The following TTLL11 variants were observed in gnomAD, a reference collection of about 807,000 sequenced individuals.
TTLL11 encodes tubulin polyglutamylase TTLL11.
Under a neutral mutation model 51.7 loss-of-function variants are expected in TTLL11, and 42 were observed. The ratio of observed to expected loss-of-function variants is 0.81; its 90% CI spans 0.64 to 1.05. The LOEUF (loss-of-function observed/expected upper bound fraction) is 1.05, where lower values mean the gene tolerates loss of function less well. Ranked by LOEUF, TTLL11 falls within the 50% of genes least tolerant of loss-of-function variation. The pLI, the probability that TTLL11 is intolerant of heterozygous loss-of-function variation, is 0.00. For synonymous variants in TTLL11, 381 were observed against 383.5 expected (o/e 0.99, Z 0.08); for missense variants, 799 against 940.4 (o/e 0.85, Z 1.97).
intron 7 of TTLL11, among the ~76,000 whole-genome samples, chr9:121,862,335 T>G (rs1838037575): frequency 6.6e-6 from 1 of 152,174 alleles, no homozygotes; most frequent in African/African-American, 2.4e-5. Flanking sequence ...GTGCTTTTAT[T>G]TCTTGGGCTC....
chr9:122,018,874 G>A (rs921703925), intron 3 of TTLL11, among the ~76,000 whole-genome samples: 1 of 152,230 alleles, frequency 6.6e-6, no homozygotes, highest in Non-Finnish European at 1.5e-5. Context: ...GACCAGAGCA[G>A]TCACCTAACT....
intron 6 of TTLL11, among the ~76,000 whole-genome samples, chr9:121,946,981 C>T (rs544913219): frequency 6.6e-6 from 1 of 152,254 alleles, no homozygotes; most frequent in Non-Finnish European, 1.5e-5. Flanking sequence ...TCCTCACTAT[C>T]CCTCATGGTG....
chr9:122,082,293 C>A (rs1207574222), intron 1 of TTLL11, among the ~76,000 whole-genome samples: 1 of 152,092 alleles, frequency 6.6e-6, no homozygotes, highest in Non-Finnish European at 1.5e-5. Flanking sequence ...CACTTGAGGT[C>A]AGGAGTTCAA....
intron 8 of TTLL11, among the ~76,000 whole-genome samples, chr9:121,856,990 A>G (rs911949859): frequency 2.0e-5 from 3 of 152,238 alleles, no homozygotes. Flanking sequence ...CTCCTTGAGA[A>G]TCAGGGGCTT....
intron 4 of TTLL11, among the ~76,000 whole-genome samples, chr9:121,980,602 G>A (rs1842805759): frequency 6.6e-6 from 1 of 152,192 alleles, no homozygotes; most frequent in Non-Finnish European, 1.5e-5. Flanking sequence ...GATTCCTCCT[G>A]TCCACCAGTA....
At chr9:122,031,393 C>T (rs557555627) in intron 3 of TTLL11, among the ~76,000 whole-genome samples, 3 of 152,322 alleles carry the variant, frequency 2.0e-5, no homozygotes, top group East Asian at 1.9e-4. Flanking sequence ...ATTCCCCCAG[C>T]GGCCCCATCC....
intron 6 of TTLL11, among the ~76,000 whole-genome samples, chr9:121,875,146 T>C (rs922469867): frequency 3.3e-5 from 5 of 152,202 alleles, no homozygotes; most frequent in African/African-American, 1.2e-4. Flanking sequence ...TGTGTAACTG[T>C]CACCAGTATC....
At chr9:122,005,157 C>T (rs1346033786) in intron 3 of TTLL11, among the ~76,000 whole-genome samples, 1 of 152,170 alleles carries the variant, frequency 6.6e-6, no homozygotes, top group African/African-American at 2.4e-5. Flanking sequence ...TAGTAAATTG[C>T]CCGTTTCTGA....
Position 121,989,137 on chromosome 9 carries a change from G to C in TTLL11, c.1269+58C>G. On this transcript the variant is annotated intron_variant, in intron 4 of 8. Transcript: ENST00000321582. The surrounding 1 kb of genome is among the most constrained non-coding windows in gnomAD (Gnocchi z 4.2). ...ATCACTCATCCTACACGAAGCCAGA[G>C]AGCCCTCTTGAGGCCGGTCAAGGCT... is the stretch of plus-strand genomic sequence containing the variant. The C allele has an allele frequency of 6.3e-7, 1 of 1,589,198 alleles. No homozygotes were observed. Among genetic ancestry groups the C allele is most frequent in the South Asian group, 1.2e-5 (1 of 86,372 alleles).
chr9:121,978,852 C>CA (rs1842771643), intron 4 of TTLL11, among the ~76,000 whole-genome samples: 8 of 152,148 alleles, frequency 5.3e-5, no homozygotes. Context: ...ACAGTATCCC[C>CA]AACTGGGAGG....
chr9:121,920,701 T>G (rs890195212), intron 6 of TTLL11, among the ~76,000 whole-genome samples: 1 of 152,230 alleles, frequency 6.6e-6, no homozygotes, highest in Admixed American at 6.5e-5. Context: ...GATTCACCTC[T>G]GGAAACTGTT....
chr9:122,012,016 C>T (rs1394367845), intron 3 of TTLL11, among the ~76,000 whole-genome samples: 1 of 152,184 alleles, frequency 6.6e-6, no homozygotes, highest in Non-Finnish European at 1.5e-5. Flanking sequence ...TTGATTACAT[C>T]ACCTTTCTAA....
chr9:121,911,944 A>T lies in TTLL11; in HGVS notation c.1482-41196T>A, dbSNP rs186017381. ...TTAAAGTATAATAAAAAAAAATTTT[A>T]AAAAAAAGAATAACCCTTTGAGGGA... On this transcript the variant is annotated intron_variant, in intron 6 of 8. Transcript: ENST00000321582. Among the ~76,000 whole-genome samples the T allele has an allele frequency of 1.2e-3, 185 of 152,200 alleles. 2 individuals are homozygous for T. The highest frequency in any genetic ancestry group is 5.1e-3 in the Admixed American group (78 of 15,294).
chr9:122,084,451 T>A lies in TTLL11; in HGVS notation c.462+8236A>T, dbSNP rs140593820. 1.1e-4 allele frequency among the ~76,000 whole-genome samples: 16 copies of A among 152,136 alleles called. No individual in the cohort carries two copies. The East Asian group carries it at 3.1e-3, about 29-fold the overall frequency. On this transcript the variant is annotated intron_variant, in intron 1 of 8. Transcript: ENST00000321582. ...TACGAGGAGGAAGGAGAGATGCAAGTCCTCCTGGAATAGAGAAACCTAATC... is the reference window on the plus strand; with the variant it reads ...TACGAGGAGGAAGGAGAGATGCAAGACCTCCTGGAATAGAGAAACCTAATC...
At chr9:122,063,161 T>C (rs1268903850) in intron 1 of TTLL11, among the ~76,000 whole-genome samples, 2 of 152,232 alleles carry the variant, frequency 1.3e-5, no homozygotes, top group East Asian at 1.9e-4. Context: ...CAAAAACTTA[T>C]AACAATGTGT....
At chr9:122,026,317 A>G (rs1844336187) in intron 3 of TTLL11, among the ~76,000 whole-genome samples, 1 of 152,066 alleles carries the variant, frequency 6.6e-6, no homozygotes, top group African/African-American at 2.4e-5. Flanking sequence ...ACATACCTGT[A>G]ATCTCAGCTA....
At chr9:122,049,924 T>C (rs967906372) in intron 1 of TTLL11, among the ~76,000 whole-genome samples, 1 of 152,152 alleles carries the variant, frequency 6.6e-6, no homozygotes, top group African/African-American at 2.4e-5. Context: ...TAAGCAAGTC[T>C]GTGTGCAATG....
chr9:121,940,343 C>CTT (rs35594469), intron 6 of TTLL11, among the ~76,000 whole-genome samples: 392 of 146,582 alleles, frequency 2.7e-3, no homozygotes, highest in East Asian at 0.019. Flanking sequence ...AACTTTCTCT[C>CTT]TTTTTTTTTT....
Position 121,912,385 on chromosome 9 carries a change from C to G in TTLL11, c.1482-41637G>C, listed in dbSNP as rs13283685. Among the ~76,000 whole-genome samples, 357 of 151,176 alleles carry G rather than the reference C, an allele frequency of 2.4e-3. 1 individual carries two copies. The highest frequency in any genetic ancestry group is 3.6e-3 in the Non-Finnish European group (247 of 67,876). ...GATCTTCCACCCTTACCTTCCCCCC[C>G]GCCCCCGTCCAGCAATACCACGCTG... On this transcript the variant is annotated intron_variant, in intron 6 of 8. Transcript: ENST00000321582.
Sources: allele counts gnomAD v4.1 joint callset (sites outside exome capture counted in the v4.1 genomes callset), GRCh38; gene constraint gnomAD v4.1.1; non-coding constraint Gnocchi (gnomAD v3.1); transcripts MANE v1.5; gene names NCBI Gene and HGNC (gene_info 2026-07-23, HGNC 2026-07-21).